The following PLCG2 variants were observed in gnomAD, a reference collection of about 807,000 sequenced individuals.
PLCG2 encodes 1-phosphatidylinositol 4,5-bisphosphate phosphodiesterase gamma-2.
PLCG2 carries 69 observed loss-of-function variants against 175.6 expected under a neutral mutation model. The ratio of observed to expected loss-of-function variants is 0.39; its 90% CI spans 0.32 to 0.48. PLCG2 has a LOEUF of 0.48. PLCG2 is among the 20% of genes least tolerant of loss of function. The pLI, the probability that PLCG2 is intolerant of heterozygous loss-of-function variation, is 0.91. For synonymous variants in PLCG2, 827 were observed against 624.0 expected (o/e 1.33, Z -4.85); for missense variants, 1,798 against 1,650.9 (o/e 1.09, Z -1.54).
At chr16:81,805,486 G>A (rs143497337) in intron 2 of PLCG2, among the ~76,000 whole-genome samples, 1,623 of 135,354 alleles carry the variant, frequency 0.012, 38 homozygotes, top group African/African-American at 0.043. Flanking sequence ...GTAACAGAGC[G>A]AGACTCCATC....
chr16:81,890,205 A>G (rs1908566141), intron 10 of PLCG2, among the ~76,000 whole-genome samples: 5 of 152,172 alleles, frequency 3.3e-5, no homozygotes, highest in Admixed American at 3.3e-4. Context: ...ACCTCCAGAA[A>G]AATGGCTGGT....
intron 2 of PLCG2, among the ~76,000 whole-genome samples, chr16:81,792,244 G>A (rs1360350573): frequency 6.6e-6 from 1 of 151,938 alleles, no homozygotes; most frequent in Non-Finnish European, 1.5e-5. Flanking sequence ...GACTTTGGGA[G>A]GCCAAGGCAA....
At chr16:81,942,931 T>TA (rs200841428) in intron 30 of PLCG2, among the ~76,000 whole-genome samples, 5,160 of 152,068 alleles carry the variant, frequency 0.034, 283 homozygotes, top group African/African-American at 0.12. Context: ...TTTTTTTTTT[T>TA]TATACAAGGA....
chr16:81,791,853 C>T (rs756767809), intron 2 of PLCG2, among the ~76,000 whole-genome samples: 6 of 152,198 alleles, frequency 3.9e-5, no homozygotes, highest in Non-Finnish European at 8.8e-5. Flanking sequence ...GCATGAACCA[C>T]TGCACCCAGC....
chr16:81,836,334 C>A (rs1472648111), intron 2 of PLCG2, among the ~76,000 whole-genome samples: 2 of 152,186 alleles, frequency 1.3e-5, no homozygotes, highest in African/African-American at 4.8e-5. Context: ...GCCCACGTGT[C>A]AGCCATGGAC....
chr16:81,740,151 A>AG, intron 1 of PLCG2: 1 of 152,010 alleles, frequency 6.6e-6, no homozygotes, highest in East Asian at 1.9e-4. Context: ...AAAAAAAAAA[A>AG]AAAAAAAGAA....
intron 31 of PLCG2, among the ~76,000 whole-genome samples, chr16:81,948,599 A>G (rs893032283): frequency 6.6e-6 from 1 of 152,224 alleles, no homozygotes; most frequent in Non-Finnish European, 1.5e-5. Context: ...TGCACACTTT[A>G]GAATCCTGGA....
chr16:81,744,228 A>T (rs12448146), intron 1 of PLCG2, among the ~76,000 whole-genome samples: 2 of 144,542 alleles, frequency 1.4e-5, no homozygotes, highest in Admixed American at 7.0e-5. Context: ...TGTGCAGTGG[A>T]GTGATTTTGG....
rs559599919 is a variant in PLCG2, at chr16:81,914,830, C to T, written c.2054+2114C>T. ...CAGTGAATCAATCAGCAAGGATGGC[C>T]GCTCCCCACCTCACCCCATGGCCCA... is the stretch of plus-strand genomic sequence containing the variant. On this transcript the variant is annotated intron_variant, in intron 19 of 32. Transcript: ENST00000564138. Among the ~76,000 whole-genome samples, 8 of 152,220 alleles carry T rather than the reference C, an allele frequency of 5.3e-5. No homozygotes were observed. The East Asian group carries it at 9.6e-4, about 18-fold the overall frequency.
At chr16:81,865,091 A>G (rs1166807467) in intron 5 of PLCG2, among the ~76,000 whole-genome samples, 6 of 152,128 alleles carry the variant, frequency 3.9e-5, no homozygotes, top group Admixed American at 6.5e-5. Context: ...AGTCACAACC[A>G]TGGCCTGGGC....
At chr16:81,896,941 G>A (rs1328186942) in intron 13 of PLCG2, among the ~76,000 whole-genome samples, 8 of 152,226 alleles carry the variant, frequency 5.3e-5, no homozygotes, top group African/African-American at 1.9e-4. Flanking sequence ...TGTCCCACCA[G>A]AAGATCTTGG....
intron 22 of PLCG2, 50 bp from the exon 23 acceptor site, chr16:81,927,031 TA>T: frequency 8.3e-7 from 1 of 1,199,226 alleles, no homozygotes; most frequent in Non-Finnish European, 1.2e-6. Context: ...CAGTAGTGGG[TA>T]ATTCATGCCA....
chr16:81,932,745 C>T lies in PLCG2; in HGVS notation c.2739+1091C>T, dbSNP rs553206284. 2.5e-3 allele frequency among the ~76,000 whole-genome samples: 381 copies of T among 152,320 alleles called. 3 individuals carry two copies. The highest frequency in any genetic ancestry group is 4.0e-3 in the Non-Finnish European group (272 of 68,010). On this transcript the variant is annotated intron_variant, in intron 25 of 32. Transcript: ENST00000564138. ...GAGGGGACTGGTCCATGGGTGCCCT[C>T]GCTGGTGGGGCATCGTCTTTCTCTG...
chr16:81,881,911 C>G (rs112804572), intron 8 of PLCG2, among the ~76,000 whole-genome samples: 3 of 152,042 alleles, frequency 2.0e-5, no homozygotes, highest in South Asian at 2.1e-4. Context: ...CTTGGCCTCC[C>G]GAAGTGCTGG....
chr16:81,747,069 A>C (rs1909721081), intron 1 of PLCG2, among the ~76,000 whole-genome samples: 1 of 152,190 alleles, frequency 6.6e-6, no homozygotes, highest in African/African-American at 2.4e-5. Flanking sequence ...TTCTGGGTCA[A>C]GCATTCTCAA....
In PLCG2 at chr16:81,937,986, C is replaced by T. The variant is rs1016690432; in HGVS notation, c.3198+83C>T. On this transcript the variant is annotated intron_variant, in intron 28 of 32. Transcript: ENST00000564138. The stretch of plus-strand genomic sequence containing the variant: ...CCGATGCTGTCTTGAGAGCAGGGAA[C>T]CCATGTCTAGGGAGGCTGGTTGTCT... 3 of 1,331,160 alleles carry T rather than the reference C, an allele frequency of 2.3e-6. No homozygotes were observed. The African/African-American group carries it at 4.4e-5, about 20-fold the overall frequency. 82.5% of individuals were successfully genotyped at this position (1,331,160 alleles called of 1,614,324 possible). A position where few individuals can be genotyped will look rare whatever the true frequency, so the allele number is the denominator to read the frequency against.
At chr16:81,779,028 G>A (rs1249687535), upstream of PLCG2, among the ~76,000 whole-genome samples, 1 of 152,168 alleles carries the variant, frequency 6.6e-6, no homozygotes. Context: ...CATGATATTG[G>A]GGAATTCCCT....
chr16:81,879,044 G>C (rs182795575), intron 7 of PLCG2, among the ~76,000 whole-genome samples: 1 of 152,138 alleles, frequency 6.6e-6, no homozygotes, highest in East Asian at 1.9e-4. Context: ...CTGTACCATG[G>C]TGGTACCTCT....
chr16:81,876,422 A>G (rs1456830718), intron 7 of PLCG2, among the ~76,000 whole-genome samples: 1 of 152,020 alleles, frequency 6.6e-6, no homozygotes, highest in Non-Finnish European at 1.5e-5. Flanking sequence ...TTCGGTTGTG[A>G]AAGGGCGTGT....
Sources: gnomAD v4.1 joint callset for allele counts (sites outside exome capture counted in the v4.1 genomes callset) on GRCh38, gnomAD v4.1.1 for gene constraint, MANE v1.5 for transcripts, NCBI Gene and HGNC (gene_info 2026-07-23, HGNC 2026-07-21) for gene names.